HPSE2: variants seen among roughly 807,000 people sequenced by gnomAD.
HPSE2 encodes the protein heparanase 2 (inactive), also known as inactive heparanase-2.
A neutral mutation model predicts 60.5 loss-of-function variants in HPSE2; 38 were observed. That is an observed-to-expected ratio of 0.63 (90% CI 0.48 to 0.82). The LOEUF (loss-of-function observed/expected upper bound fraction) is 0.82, where lower values mean the gene tolerates loss of function less well. HPSE2 is among the 40% of genes least tolerant of loss of function. HPSE2 has a pLI of 0.00. For missense variants in HPSE2, 713 were observed against 740.4 expected, an observed-to-expected ratio of 0.96 and a Z score of 0.43; for synonymous variants, 295 against 293.2, an observed-to-expected ratio of 1.01 and a Z score of -0.06.
At chr10:99,066,128 A>T (rs1292579049) in intron 3 of HPSE2, among the ~76,000 whole-genome samples, 1 of 152,068 alleles carries the variant, frequency 6.6e-6, no homozygotes, top group African/African-American at 2.4e-5. Context: ...TAGCTTTGGC[A>T]GGGCAGTAAA....
At chr10:98,746,725 T>G (rs757856790) in intron 3 of HPSE2, among the ~76,000 whole-genome samples, 2 of 151,944 alleles carry the variant, frequency 1.3e-5, no homozygotes, top group Non-Finnish European at 2.9e-5. Flanking sequence ...TCAGTAGTAT[T>G]GATACAACAG....
At chr10:98,780,675 T>A (rs1565158396) in intron 3 of HPSE2, among the ~76,000 whole-genome samples, 1 of 151,996 alleles carries the variant, frequency 6.6e-6, no homozygotes, top group East Asian at 1.9e-4. Flanking sequence ...CTAGGGAAGA[T>A]GAAAAAAATG....
chr10:99,229,173 GA>G (rs200136057), intron 2 of HPSE2, among the ~76,000 whole-genome samples: 3,455 of 137,150 alleles, frequency 0.025, 116 homozygotes, highest in East Asian at 0.16. Flanking sequence ...ACTCCATATC[GA>G]AAAAAAAAAA....
chr10:98,983,891 A>T (rs1345587149), intron 3 of HPSE2, among the ~76,000 whole-genome samples: 1 of 152,172 alleles, frequency 6.6e-6, no homozygotes, highest in Non-Finnish European at 1.5e-5. Flanking sequence ...AGCCTCATTC[A>T]TTGCTAGCAC....
chr10:98,661,571 G>A (rs1947225721), intron 6 of HPSE2, among the ~76,000 whole-genome samples: 1 of 152,070 alleles, frequency 6.6e-6, no homozygotes, highest in Non-Finnish European at 1.5e-5. Context: ...AATATTCTAT[G>A]CACATTGTTC....
chr10:98,571,348 A>G (rs1944487631), intron 9 of HPSE2, among the ~76,000 whole-genome samples: 1 of 152,156 alleles, frequency 6.6e-6, no homozygotes, highest in South Asian at 2.1e-4. Flanking sequence ...TACTACTACT[A>G]CTACTACTAA....
At chr10:98,486,202 C>T (rs1941434879) in intron 10 of HPSE2, among the ~76,000 whole-genome samples, 1 of 152,150 alleles carries the variant, frequency 6.6e-6, no homozygotes, top group South Asian at 2.1e-4. Context: ...GCGAGTGCAG[C>T]ACCAACCTGA....
intron 9 of HPSE2, among the ~76,000 whole-genome samples, chr10:98,560,103 C>T (rs914848398): frequency 2.6e-5 from 4 of 152,100 alleles, no homozygotes; most frequent in African/African-American, 9.7e-5. Context: ...AAATAGAGTG[C>T]AGAGCCAGGA....
intron 3 of HPSE2, among the ~76,000 whole-genome samples, chr10:99,060,475 A>G (rs186133598): frequency 0.014 from 2,089 of 152,168 alleles, 18 homozygotes; most frequent in Middle Eastern, 0.027. Flanking sequence ...CCTGACCAAC[A>G]TGGAGAAACC....
chr10:98,563,706 TTTC>T (rs1412855236), intron 9 of HPSE2, among the ~76,000 whole-genome samples: 3 of 152,246 alleles, frequency 2.0e-5, no homozygotes, highest in South Asian at 2.1e-4. Flanking sequence ...TTTGCTATAC[TTTC>T]TTCTTATTTT....
intron 11 of HPSE2, among the ~76,000 whole-genome samples, chr10:98,473,484 C>CAAAAAAAAAAAA (rs752065277): frequency 2.3e-5 from 1 of 44,286 alleles, no homozygotes; most frequent in Non-Finnish European, 3.9e-5. Flanking sequence ...GACTCTGTCT[C>CAAAAAAAAAAAA]AAAAAAAAAA....
At chr10:98,608,056 A>C (rs1271394583) in intron 9 of HPSE2, among the ~76,000 whole-genome samples, 1 of 152,190 alleles carries the variant, frequency 6.6e-6, no homozygotes, top group African/African-American at 2.4e-5. Flanking sequence ...TCTGAGGTAG[A>C]CACTATTATT....
chr10:98,576,167 G>A (rs1944634800), intron 9 of HPSE2, among the ~76,000 whole-genome samples: 1 of 152,030 alleles, frequency 6.6e-6, no homozygotes. Flanking sequence ...GATATCACGG[G>A]TAAAACCTAG....
At chr10:98,504,941 T>TA (rs1341446743) in intron 9 of HPSE2, among the ~76,000 whole-genome samples, 1 of 152,252 alleles carries the variant, frequency 6.6e-6, no homozygotes, top group African/African-American at 2.4e-5. Flanking sequence ...GTTAGCTTTA[T>TA]AAAAATGGTA....
the HPSE2 span, among the ~76,000 whole-genome samples, chr10:99,276,299 A>G: frequency 6.6e-6 from 1 of 152,174 alleles, no homozygotes; most frequent in Non-Finnish European, 1.5e-5. Context: ...CTACAACCCA[A>G]TAATTATTCT....
chr10:98,669,627 G>A (rs1947455038), intron 6 of HPSE2, among the ~76,000 whole-genome samples: 3 of 152,222 alleles, frequency 2.0e-5, no homozygotes, highest in Non-Finnish European at 2.9e-5. Flanking sequence ...AACACAGGAA[G>A]AGAAAACCAA....
rs567920209 is a variant in HPSE2 at position 99,164,406 on chromosome 10, A to T, written c.449-20007T>A. On this transcript the variant is annotated intron_variant, in intron 2 of 11. Transcript: ENST00000370552. Reference sequence around the variant, plus strand: ...TAATTTTTTGACATATCCTCAATCTATTTTTTTTTAAGCACTTCCTTACTT... The same window carrying T: ...TAATTTTTTGACATATCCTCAATCTTTTTTTTTTTAAGCACTTCCTTACTT... Among the ~76,000 whole-genome samples, 30 of 148,488 alleles carry T rather than the reference A, an allele frequency of 2.0e-4. 1 individual carries two copies. Among genetic ancestry groups the T allele is most frequent in the Middle Eastern group, 3.5e-3 (1 of 288 alleles).
chr10:98,676,717 C>A (rs1947652096), intron 6 of HPSE2, among the ~76,000 whole-genome samples: 1 of 152,100 alleles, frequency 6.6e-6, no homozygotes, highest in Admixed American at 6.5e-5. Context: ...GAGATCTAGG[C>A]CATGAGACTC....
chr10:98,721,207 G>T (rs1205523789), intron 5 of HPSE2, among the ~76,000 whole-genome samples: 1 of 151,284 alleles, frequency 6.6e-6, no homozygotes, highest in Non-Finnish European at 1.5e-5. Context: ...CTGCTAATAG[G>T]CCTATTAAGA....
Sources: gnomAD v4.1 joint callset for allele counts (sites outside exome capture counted in the v4.1 genomes callset) on GRCh38, gnomAD v4.1.1 for gene constraint, MANE v1.5 for transcripts, NCBI Gene and HGNC (gene_info 2026-07-23, HGNC 2026-07-21) for gene names.